RBBP8: variants seen among roughly 807,000 people sequenced by gnomAD.
RBBP8 encodes the protein RB binding protein 8, endonuclease.
In RBBP8, 88 loss-of-function variants were observed where a neutral mutation model predicts 108.3. The ratio of observed to expected loss-of-function variants is 0.81; its 90% confidence interval spans 0.68 to 0.97. The LOEUF is 0.97. Ranked by LOEUF, RBBP8 falls within the 50% of genes least tolerant of loss-of-function variation. RBBP8 has a pLI of 0.00. For synonymous variants in RBBP8, 332 were observed against 348.2 expected (o/e 0.95, Z 0.52); for missense variants, 1,023 against 1,049.0 (o/e 0.98, Z 0.34).
rs1287730147 is a variant in RBBP8, at chr18:22,949,728, T to C, written c.248+15T>C. ...TTAGAAGATCGGTGAGTCTGGCACT[T>C]AGGTCTTGAGTAAGAAGTGATTTCC... On this transcript the variant is annotated intron_variant, in intron 4 of 18. Coordinates refer to ENST00000327155, the MANE Select transcript of RBBP8 (RefSeq NM_002894.3). 6.4e-7 allele frequency: 1 copy of C among 1,557,158 alleles called. No individual in the cohort carries two copies. Among genetic ancestry groups the C allele is most frequent in the Admixed American group, 1.7e-5 (1 of 59,918 alleles).
chr18:22,985,865 TGATAATA>T (rs145971307), intron 8 of RBBP8, among the ~76,000 whole-genome samples: 7,044 of 151,952 alleles, frequency 0.046, 552 homozygotes, highest in African/African-American at 0.16. Flanking sequence ...ACCAAGCAAG[TGATAATA>T]GATGGGGATA....
intron 17 of RBBP8, among the ~76,000 whole-genome samples, chr18:23,017,887 C>G (rs1269729981): frequency 1.3e-5 from 2 of 151,188 alleles, no homozygotes; most frequent in Non-Finnish European, 2.9e-5. Context: ...GCTGGGATTA[C>G]AGGCACCTAC....
At chr18:22,997,531 A>T (rs927860942) in intron 13 of RBBP8, 89 bp from the exon 14 acceptor site, 12 of 834,164 alleles carry the variant, frequency 1.4e-5, no homozygotes, top group Non-Finnish European at 2.4e-5. Flanking sequence ...TATGTTATGT[A>T]TATTTTACCA....
upstream of RBBP8, among the ~76,000 whole-genome samples, chr18:22,931,188 A>C (rs1472355691): frequency 6.6e-6 from 1 of 152,202 alleles, no homozygotes. Context: ...CTATTGAAAT[A>C]AGATAAAAAC....
chr18:23,017,292 T>C (rs1478926387), intron 17 of RBBP8, among the ~76,000 whole-genome samples: 1 of 149,994 alleles, frequency 6.7e-6, no homozygotes, highest in South Asian at 2.1e-4. Context: ...GAGGTGGAGG[T>C]TGCAGTGAGC....
chr18:22,919,476 T>C (rs769424455), intron 3 of RBBP8, among the ~76,000 whole-genome samples: 2 of 152,244 alleles, frequency 1.3e-5, no homozygotes, highest in Non-Finnish European at 2.9e-5. Context: ...TTCACTTAAA[T>C]TGTAGACACT....
At position 23,001,632 on chromosome 18, in the gene RBBP8, G is replaced by A. The variant is rs752167373; in HGVS notation, c.2190G>A (p.Arg730=). The change falls in exon 15 of 19, where the codon CGG becomes CGA. Residue 730 remains arginine, a synonymous_variant. Coordinates refer to ENST00000327155, the MANE Select transcript of RBBP8 (RefSeq NM_002894.3). ...MNDSLEDMFD[R]TTHEEYESCL... The stretch of plus-strand genomic sequence containing the variant: ...ATAGCTTGGAAGATATGTTTGATCG[G>A]ACAACACATGAAGAGTATGAATCCT... 12 of 1,614,076 alleles carry A rather than the reference G, an allele frequency of 7.4e-6. No homozygotes were observed. In the South Asian group the frequency reaches 1.2e-4, roughly 16 times the overall value.
At chr18:22,952,655 C>G in intron 4 of RBBP8, among the ~76,000 whole-genome samples, 1 of 152,094 alleles carries the variant, frequency 6.6e-6, no homozygotes, top group Non-Finnish European at 1.5e-5. Context: ...AGCCAGGAAA[C>G]TAGAAAGCCA....
At chr18:22,969,561 T>C (rs1913908914) in intron 5 of RBBP8, among the ~76,000 whole-genome samples, 1 of 152,194 alleles carries the variant, frequency 6.6e-6, no homozygotes, top group Non-Finnish European at 1.5e-5. Flanking sequence ...TTTTTTCTGT[T>C]AATTATATTG....
At chr18:22,928,857 A>G (rs1392639083), upstream of RBBP8, among the ~76,000 whole-genome samples, 1 of 152,002 alleles carries the variant, frequency 6.6e-6, no homozygotes, top group Non-Finnish European at 1.5e-5. Flanking sequence ...TTTAGTAGAA[A>G]CAGGGTTTCA....
rs1336052320 is a variant in RBBP8 at position 22,982,362 on chromosome 18, T to C, written c.573T>C (p.His191=). The C allele has an allele frequency of 1.2e-6, 2 of 1,614,106 alleles. No individual in the cohort carries two copies. Among genetic ancestry groups the C allele is most frequent in the Middle Eastern group, 1.7e-4 (1 of 6,060 alleles). The change falls in exon 7 of 19, where the codon CAT becomes CAC. Residue 191 remains histidine, a synonymous_variant. Transcript: ENST00000327155. The part of the protein sequence containing the change: ...NPHVRYIEQT[H]TKLEHSVCAN... ...ATGTCCGATACATAGAACAAACACA[T>C]ACTAAATTGGAGCACTCTGTGTGTG...
At chr18:22,945,451 G>C (rs1201930985) in intron 2 of RBBP8, among the ~76,000 whole-genome samples, 1 of 151,976 alleles carries the variant, frequency 6.6e-6, no homozygotes. Context: ...GCAATGGCGG[G>C]ATCTCAGCTC....
chr18:22,917,340 A>G (rs1046460956), intron 3 of RBBP8, among the ~76,000 whole-genome samples: 3 of 152,242 alleles, frequency 2.0e-5, no homozygotes, highest in Non-Finnish European at 4.4e-5. Flanking sequence ...CCAAATTGAC[A>G]TGGGTCTGAA....
chr18:22,993,052 A>C lies in RBBP8; in HGVS notation c.1225A>C (p.Asn409His), dbSNP rs2144702084. 1.9e-6 allele frequency: 3 copies of C among 1,611,218 alleles called. No individual in the cohort carries two copies. The East Asian group carries it at 6.7e-5, about 36-fold the overall frequency. Residue 409 changes from asparagine (N) to histidine (H), a missense_variant, in exon 11 of 19, where the codon AAT becomes CAT. Transcript: ENST00000327155. ...IQSSNKQILI[N>H]KNISESLGEQ... is the part of the protein sequence containing the mutation. ...GTCATCTAATAAACAGATACTTATA[A>C]ATAAAAATATAAGTGAATCCCTAGG...
intron 14 of RBBP8, among the ~76,000 whole-genome samples, chr18:23,000,125 A>G (rs1417005465): frequency 6.6e-6 from 1 of 152,228 alleles, no homozygotes; most frequent in Admixed American, 6.5e-5. Context: ...GAAATAAGCA[A>G]TTGTATATAT....
chr18:23,009,550 A>G (rs1240903533), intron 16 of RBBP8, among the ~76,000 whole-genome samples: 10 of 150,380 alleles, frequency 6.6e-5, no homozygotes, highest in Non-Finnish European at 1.5e-4. Context: ...TAAAATGTAT[A>G]TAATGGACAC....
At chr18:22,968,075 A>AT (rs1347631746) in intron 4 of RBBP8, among the ~76,000 whole-genome samples, 7 of 149,606 alleles carry the variant, frequency 4.7e-5, no homozygotes, top group African/African-American at 1.7e-4. Flanking sequence ...GACAAAAAAA[A>AT]ATTTTTTTTT....
chr18:22,952,934 A>G (rs1366700577), intron 4 of RBBP8, among the ~76,000 whole-genome samples: 2 of 152,234 alleles, frequency 1.3e-5, no homozygotes, highest in African/African-American at 4.8e-5. Flanking sequence ...GAGATTAGGA[A>G]TGCTTTTTGT....
intron 16 of RBBP8, among the ~76,000 whole-genome samples, chr18:23,010,029 G>A (rs1288707142): frequency 6.6e-6 from 1 of 152,114 alleles, no homozygotes; most frequent in African/African-American, 2.4e-5. Flanking sequence ...CAAAGTGCTG[G>A]GATTACAGGC....
Sources: gnomAD v4.1 joint callset for allele counts (sites outside exome capture counted in the v4.1 genomes callset) on GRCh38, gnomAD v4.1.1 for gene constraint, MANE v1.5 for transcripts, NCBI Gene and HGNC (gene_info 2026-07-23, HGNC 2026-07-21) for gene names.